RDH11: variants seen among roughly 807,000 people sequenced by gnomAD.
RDH11 encodes the protein HCV core-binding protein HCBP12.
RDH11 carries 19 observed loss-of-function variants against 33.4 expected under a neutral mutation model. The observed-to-expected ratio is 0.57, with a 90% CI of 0.40 to 0.83. The LOEUF is 0.83. Ranked by LOEUF, RDH11 falls within the 40% of genes least tolerant of loss-of-function variation. The pLI is 0.00. For missense variants in RDH11, 353 were observed against 389.0 expected (o/e 0.91, Z 0.78); for synonymous variants, 154 against 155.3 (o/e 0.99, Z 0.06).
chr14:67,690,602 A>C (rs2037736992), intron 4 of RDH11, 181 bp from the exon 5 acceptor site: 2 of 597,708 alleles, frequency 3.3e-6, no homozygotes, highest in Non-Finnish European at 5.9e-6. Context: ...ACAGCCAAAG[A>C]CATGAGGCAT....
Position 67,695,728 on chromosome 14 carries a change from A to G in RDH11, c.-25T>C. On this transcript the variant is annotated 5_prime_UTR_variant, in exon 1 of 7. Coordinates refer to ENST00000381346, the MANE Select transcript of RDH11 (RefSeq NM_016026.4). ...TCTCTGCCGGCTGCAGCGGCACCAG[A>G]GCGGGATGCTCCAGCGTTGCTCGCC... 2 of 1,611,296 alleles carry G rather than the reference A, an allele frequency of 1.2e-6. No homozygotes were observed. Among genetic ancestry groups the G allele is most frequent in the Non-Finnish European group, 1.7e-6 (2 of 1,177,716 alleles).
At chr14:67,689,705 A>T (rs944773605) in intron 5 of RDH11, among the ~76,000 whole-genome samples, 1 of 152,190 alleles carries the variant, frequency 6.6e-6, no homozygotes, top group African/African-American at 2.4e-5. Flanking sequence ...GCACTCTGGG[A>T]GGCCAAGGTG....
intron 6 of RDH11, among the ~76,000 whole-genome samples, chr14:67,678,975 G>A (rs145535211): frequency 7.2e-5 from 11 of 152,322 alleles, no homozygotes; most frequent in Non-Finnish European, 1.0e-4. Flanking sequence ...ACCAAGGTAC[G>A]AGGTGTCTTG....
chr14:67,690,174 C>A, intron 5 of RDH11, 38 bp downstream of exon 5: 1 of 1,583,040 alleles, frequency 6.3e-7, no homozygotes, highest in South Asian at 1.1e-5. Context: ...CTGCCTCTCT[C>A]TGACTCATGT....
chr14:67,679,309 G>A (rs1170103551), intron 6 of RDH11, among the ~76,000 whole-genome samples: 6 of 152,144 alleles, frequency 3.9e-5, no homozygotes, highest in Non-Finnish European at 1.5e-5. Flanking sequence ...GTTGTATTGA[G>A]GCTTAAGTTT....
At chr14:67,686,353 A>T (rs373418069) in intron 5 of RDH11, 3 of 152,342 alleles carry the variant, frequency 2.0e-5, no homozygotes, top group East Asian at 3.9e-4. Flanking sequence ...AGAGTGCCTG[A>T]TGCAGCTGGG....
Position 67,695,723 on chromosome 14 carries a change from A to G in RDH11, c.-20T>C. On this transcript the variant is annotated 5_prime_UTR_variant, in exon 1 of 7. Coordinates refer to ENST00000381346, the MANE Select transcript of RDH11 (RefSeq NM_016026.4). Reference sequence around the variant, plus strand: ...AACCATCTCTGCCGGCTGCAGCGGCACCAGAGCGGGATGCTCCAGCGTTGC... The same window carrying G: ...AACCATCTCTGCCGGCTGCAGCGGCGCCAGAGCGGGATGCTCCAGCGTTGC... The G allele has an allele frequency of 6.2e-7, 1 of 1,613,264 alleles. No homozygotes were observed. The highest frequency in any genetic ancestry group is 8.5e-7 in the Non-Finnish European group (1 of 1,179,410).
Position 67,692,567 on chromosome 14 carries a change from C to G in RDH11, c.220G>C (p.Asp74His), listed in dbSNP as rs1232878026. ...GCCACCAATTCCCCCTTTTCCACAT[C>G]CCGGCAAGCTAAATATACTCGAGCT... ...RGARVYLACRDVEKGELVAKE... is the reference protein window; with the variant it reads ...RGARVYLACRHVEKGELVAKE... Residue 74 changes from aspartate to histidine, a missense_variant, in exon 3 of 7, where the codon GAT (aspartate) becomes CAT (histidine). Physicochemically the swap from Asp to His is moderately conservative, Grantham distance 81. Coordinates refer to ENST00000381346, the MANE Select transcript of RDH11 (RefSeq NM_016026.4). 8 of 1,602,444 alleles carry G rather than the reference C, an allele frequency of 5.0e-6. No homozygotes were observed. Among genetic ancestry groups the G allele is most frequent in the Non-Finnish European group, 6.8e-6 (8 of 1,175,120 alleles).
At chr14:67,684,003 T>C (rs539397853) in intron 6 of RDH11, among the ~76,000 whole-genome samples, 1 of 152,346 alleles carries the variant, frequency 6.6e-6, no homozygotes, top group East Asian at 1.9e-4. Context: ...CTCATTTAAT[T>C]AATCATCCAG....
In RDH11 at chr14:67,685,013, AC is replaced by A; in HGVS notation, c.854+1del. On this transcript the variant is annotated splice_donor_variant, in intron 6 of 6. Coordinates refer to ENST00000381346, the MANE Select transcript of RDH11 (RefSeq NM_016026.4). LOFTEE classifies it high-confidence loss of function. ...ATCTGCAAAAAGAGATAACATTCAT[AC>A]CTGAAATGATTCCCACTTAGAATCT... is the stretch of plus-strand genomic sequence containing the variant. 6.2e-7 allele frequency: 1 copy of A among 1,605,482 alleles called. No individual in the cohort carries two copies. Among genetic ancestry groups the A allele is most frequent in the Non-Finnish European group, 8.5e-7 (1 of 1,176,610 alleles).
At chr14:67,682,050 A>G (rs915730889) in intron 6 of RDH11, among the ~76,000 whole-genome samples, 2 of 152,184 alleles carry the variant, frequency 1.3e-5, no homozygotes, top group Admixed American at 6.5e-5. Context: ...CACAGCAAGA[A>G]GGCCCTAACC....
At chr14:67,681,467 C>T (rs1419104181) in intron 6 of RDH11, among the ~76,000 whole-genome samples, 2 of 152,094 alleles carry the variant, frequency 1.3e-5, no homozygotes. Flanking sequence ...GAAGGTTGAC[C>T]CCTACCTCAT....
intron 1 of RDH11, among the ~76,000 whole-genome samples, chr14:67,694,732 C>T (rs777215805): frequency 1.3e-5 from 2 of 151,732 alleles, no homozygotes; most frequent in Non-Finnish European, 2.9e-5. Context: ...AGAGGGGCAC[C>T]AGAGAAGGAA....
chr14:67,683,569 T>C (rs1351395237), intron 6 of RDH11, among the ~76,000 whole-genome samples: 1 of 152,204 alleles, frequency 6.6e-6, no homozygotes, highest in Non-Finnish European at 1.5e-5. Context: ...TCAATATAGT[T>C]TGAAGAGAGC....
chr14:67,689,928 G>C, intron 5 of RDH11: 2 of 344,392 alleles, frequency 5.8e-6, no homozygotes, highest in South Asian at 5.0e-5. Context: ...ATGGGTGACA[G>C]AGCAAGATCC....
chr14:67,687,333 A>G (rs891398564), intron 5 of RDH11, among the ~76,000 whole-genome samples: 66 of 152,290 alleles, frequency 4.3e-4, no homozygotes, highest in African/African-American at 1.6e-3. Flanking sequence ...CTACCTCACC[A>G]GTCTCAGCTC....
intron 1 of RDH11, 69 bp from the exon 2 acceptor site, chr14:67,693,121 C>A: frequency 1.0e-6 from 1 of 998,596 alleles, no homozygotes; most frequent in Non-Finnish European, 1.5e-6. Context: ...TCCTGCAACT[C>A]CCTGTGTCTT....
In RDH11 at chr14:67,684,490, C is replaced by G. The variant is rs984048879; in HGVS notation, c.854+525G>C. 3.9e-5 allele frequency: 6 copies of G among 152,268 alleles called. No individual in the cohort carries two copies. The East Asian group carries it at 7.7e-4, about 20-fold the overall frequency. 9.4% of individuals were successfully genotyped at this position (152,268 alleles called of 1,614,324 possible). A position where few individuals can be genotyped will look rare whatever the true frequency, so the allele number is the denominator to read the frequency against. On this transcript the variant is annotated intron_variant, in intron 6 of 6. Transcript: ENST00000381346. ...CTAACCCTGTGTTATATTCAAAATTCTCTACATTTAAATCATTTTAAATGT... is the reference window on the plus strand; with the variant it reads ...CTAACCCTGTGTTATATTCAAAATTGTCTACATTTAAATCATTTTAAATGT...
At chr14:67,683,311 A>G (rs2037637192) in intron 6 of RDH11, among the ~76,000 whole-genome samples, 1 of 152,038 alleles carries the variant, frequency 6.6e-6, no homozygotes, top group South Asian at 2.1e-4. Flanking sequence ...ATCTCTAGGG[A>G]AGAAGAATCC....
Sources: gnomAD v4.1 joint callset for allele counts (sites outside exome capture counted in the v4.1 genomes callset) on GRCh38, gnomAD v4.1.1 for gene constraint, MANE v1.5 for transcripts, NCBI Gene and HGNC (gene_info 2026-07-23, HGNC 2026-07-21) for gene names.